The following USP34 variants were observed in gnomAD, a reference collection of about 807,000 sequenced individuals.
USP34 encodes ubiquitin specific peptidase 34, also known as ubiquitin carboxyl-terminal hydrolase 34.
USP34 carries 70 observed loss-of-function variants against 460.3 expected under a neutral mutation model. The observed-to-expected ratio is 0.15, with a 90% confidence interval of 0.13 to 0.19. The LOEUF (loss-of-function observed/expected upper bound fraction) is 0.19, where lower values mean the gene tolerates loss of function less well. USP34 is among the 10% of genes least tolerant of loss of function. The pLI is 1.00. For missense variants in USP34, 3,985 were observed against 4,236.2 expected (o/e 0.94, Z 1.65); for synonymous variants, 1,647 against 1,405.3 (o/e 1.17, Z -3.85).
At chr2:61,193,065 C>G (rs1292444494) in intron 75 of USP34, 85 bp from the exon 76 acceptor site, 1 of 1,057,566 alleles carries the variant, frequency 9.5e-7, no homozygotes, top group Non-Finnish European at 1.4e-6. Context: ...AATATTACAG[C>G]TATTTCTAGT....
chr2:61,275,861 C>T (rs1275449156), intron 41 of USP34, among the ~76,000 whole-genome samples: 3 of 151,968 alleles, frequency 2.0e-5, no homozygotes, highest in African/African-American at 7.3e-5. Flanking sequence ...CTTTTAAAGC[C>T]TCAAAAATTT....
At chr2:61,448,439 G>A (rs939474452) in intron 1 of USP34, among the ~76,000 whole-genome samples, 1 of 152,222 alleles carries the variant, frequency 6.6e-6, no homozygotes, top group Non-Finnish European at 1.5e-5. Context: ...AACAGAGTGA[G>A]TGAGGCCCTG....
rs1201361113 is a variant in USP34, at chr2:61,280,340, A to G, written c.5160T>C (p.Asp1720=). The part of the protein sequence containing the change: ...AQALKPIRID[D]YEEEPILKPG... ...GTTTTAATATTGGTTCTTCCTCATA[A>G]TCATCTATCTATTAAAAAAATTTTA... The change falls in exon 39 of 80, where the codon GAT becomes GAC. Residue 1720 remains aspartate (D), a synonymous_variant. Transcript: ENST00000398571. 9.3e-6 allele frequency: 14 copies of G among 1,501,958 alleles called. No homozygotes were observed. In the African/African-American group the frequency reaches 1.9e-4, roughly 20 times the overall value. 93.0% of individuals were successfully genotyped at this position (1,501,958 alleles called of 1,614,324 possible).
At chr2:61,359,393 T>C (rs1460934619) in intron 10 of USP34, among the ~76,000 whole-genome samples, 1 of 152,172 alleles carries the variant, frequency 6.6e-6, no homozygotes, top group Non-Finnish European at 1.5e-5. Flanking sequence ...TATTTACATG[T>C]AAAAAGAATA....
chr2:61,362,935 T>C (rs1316226663), intron 10 of USP34, among the ~76,000 whole-genome samples: 1 of 152,118 alleles, frequency 6.6e-6, no homozygotes, highest in Non-Finnish European at 1.5e-5. Flanking sequence ...AAAAACAGAC[T>C]TAGAGAAATT....
intron 22 of USP34, among the ~76,000 whole-genome samples, chr2:61,318,011 G>T (rs890727992): frequency 1.3e-5 from 2 of 151,854 alleles, no homozygotes; most frequent in African/African-American, 4.8e-5. Context: ...TGGGCAACAT[G>T]GCGAAATCTC....
At position 61,378,393 on chromosome 2, in the gene USP34, T is replaced by C. The variant is rs762745055; in HGVS notation, c.1046A>G (p.Asn349Ser). The C allele has an allele frequency of 8.1e-6, 13 of 1,598,428 alleles. No homozygotes were observed. The Admixed American group carries it at 1.6e-4, about 20-fold the overall frequency. ...TGTGTCCGATACTAATGATTCATTA[T>C]TGCACACATCATTGAAGGTATGGAG... ...NQLHTFNDVC[N>S]NESLVSDTET... is the part of the protein sequence containing the mutation. The change falls in exon 8 of 80, where the codon AAT becomes AGT. Residue 349 changes from asparagine to serine, a missense_variant. Asn to Ser is a conservative substitution (Grantham distance 46, BLOSUM62 1). Coordinates refer to ENST00000398571, the MANE Select transcript of USP34 (RefSeq NM_014709.4).
intron 69 of USP34, among the ~76,000 whole-genome samples, chr2:61,209,464 A>C (rs903706223): frequency 6.6e-6 from 1 of 152,232 alleles, no homozygotes; most frequent in Admixed American, 6.5e-5. Flanking sequence ...CACAAACACA[A>C]TGGTGGTCCC....
intron 1 of USP34, among the ~76,000 whole-genome samples, chr2:61,443,670 G>A (rs927942458): frequency 7.9e-5 from 12 of 152,160 alleles, no homozygotes; most frequent in Non-Finnish European, 1.8e-4. Flanking sequence ...AGTGATTAGT[G>A]GGGAGGAAGG....
chr2:61,294,303 G>A (rs1432704094), intron 32 of USP34, among the ~76,000 whole-genome samples: 3 of 151,662 alleles, frequency 2.0e-5, no homozygotes, highest in South Asian at 2.1e-4. Flanking sequence ...CAGAGATCGC[G>A]CTGCTGCAAT....
chr2:61,288,720 G>A lies in USP34; in HGVS notation c.4706C>T (p.Ala1569Val), dbSNP rs149074165. The A allele has an allele frequency of 2.8e-4, 446 of 1,614,000 alleles. No homozygotes were observed. The highest frequency in any genetic ancestry group is 2.5e-3 in the Middle Eastern group (15 of 6,062). ...ATGAAGACCCTTAGCATGATCACCA[G>A]CAGCCTTCCTTGATTTGCCAGGCCA... is the stretch of plus-strand genomic sequence containing the variant. ...RTWPGKSRKA[A>V]GDHAKGLHIP... Residue 1569 changes from alanine to valine, a missense_variant, in exon 34 of 80, where the codon GCT becomes GTT. Ala to Val is a moderately conservative substitution (Grantham distance 64). Coordinates refer to ENST00000398571, the MANE Select transcript of USP34 (RefSeq NM_014709.4).
At chr2:61,311,974 A>C (rs1418727612) in intron 25 of USP34, 64 bp from the exon 26 acceptor site, 4 of 1,566,392 alleles carry the variant, frequency 2.6e-6, no homozygotes, top group Non-Finnish European at 3.4e-6. Context: ...ATGTTACGCA[A>C]ATTTTTATCA....
At chr2:61,299,708 T>C (rs1055042263) in intron 29 of USP34, among the ~76,000 whole-genome samples, 5 of 152,254 alleles carry the variant, frequency 3.3e-5, no homozygotes, top group Admixed American at 2.0e-4. Flanking sequence ...GCTACGATCA[T>C]ACCACTGCAC....
intron 49 of USP34, 31 bp downstream of exon 49, chr2:61,248,480 C>T (rs1428580293): frequency 6.6e-7 from 1 of 1,516,458 alleles, no homozygotes; most frequent in Non-Finnish European, 8.9e-7. Context: ...TGACAATAAT[C>T]ACAGACAAGA....
intron 5 of USP34, among the ~76,000 whole-genome samples, chr2:61,385,754 G>T (rs946486191): frequency 6.6e-6 from 1 of 150,696 alleles, no homozygotes; most frequent in Non-Finnish European, 1.5e-5. Context: ...AGCACTTCAG[G>T]AGGCCGAGGT....
chr2:61,404,059 T>C (rs1476788073), intron 3 of USP34, among the ~76,000 whole-genome samples: 3 of 145,332 alleles, frequency 2.1e-5, no homozygotes, highest in Admixed American at 1.4e-4. Flanking sequence ...AAGTACAACT[T>C]GGAAGAGGGC....
At chr2:61,236,785 C>A (rs531270455) in intron 53 of USP34, among the ~76,000 whole-genome samples, 2 of 152,140 alleles carry the variant, frequency 1.3e-5, no homozygotes, top group Non-Finnish European at 2.9e-5. Context: ...CTAAATCAGA[C>A]GTGATTTGTT....
chr2:61,203,540 C>T (rs192693393), intron 74 of USP34, among the ~76,000 whole-genome samples: 1 of 152,168 alleles, frequency 6.6e-6, no homozygotes, highest in Admixed American at 6.5e-5. Flanking sequence ...TTTAGCTCTA[C>T]AGACATATCA....
At position 61,220,453 on chromosome 2, in the gene USP34, A is replaced by G. The variant is rs1028915754; in HGVS notation, c.7904T>C (p.Ile2635Thr). 6 of 1,610,292 alleles carry G rather than the reference A, an allele frequency of 3.7e-6. No homozygotes were observed. Among genetic ancestry groups the G allele is most frequent in the East Asian group, 2.2e-5 (1 of 44,796 alleles). The stretch of plus-strand genomic sequence containing the variant: ...TAGACACTGAGAAGGATTGTATTCA[A>G]TCACCTACAAATAACATGACAAGAA... ...SYILQRIWEV[I>T]EYNPSQCLDW... is the part of the protein sequence containing the mutation. The change falls in exon 67 of 80, where the codon ATT (isoleucine) becomes ACT (threonine). Residue 2635 changes from isoleucine (I) to threonine (T), a missense_variant. By Grantham distance (89) the Ile-to-Thr change is moderately conservative. Transcript: ENST00000398571.
Sources: gnomAD v4.1 joint callset for allele counts (sites outside exome capture counted in the v4.1 genomes callset) on GRCh38, gnomAD v4.1.1 for gene constraint, MANE v1.5 for transcripts, NCBI Gene and HGNC (gene_info 2026-07-23, HGNC 2026-07-21) for gene names.